Variants in ANKRD13A observed in about 807,000 individuals in gnomAD.
The protein encoded by ANKRD13A is ankyrin repeat domain 13A, also known as ankyrin repeat domain-containing protein 13A.
Under a neutral mutation model 81.3 loss-of-function variants are expected in ANKRD13A, and 48 were observed. The ratio of observed to expected loss-of-function variants is 0.59; its 90% CI spans 0.47 to 0.75. ANKRD13A has a LOEUF of 0.75. ANKRD13A is among the 30% of genes least tolerant of loss of function. ANKRD13A has a pLI of 0.00. For synonymous variants in ANKRD13A, 230 were observed against 270.1 expected, an observed-to-expected ratio of 0.85 and a Z score of 1.45; for missense variants, 612 against 734.0, an observed-to-expected ratio of 0.83 and a Z score of 1.92.
chr12:110,033,511 G>T (rs1327407264), intron 12 of ANKRD13A, among the ~76,000 whole-genome samples: 1 of 152,088 alleles, frequency 6.6e-6, no homozygotes, highest in Non-Finnish European at 1.5e-5. Context: ...ACATTGGTGT[G>T]ACTGTGCGTA....
Position 110,037,633 on chromosome 12 carries a change from C to CCCTGGT in ANKRD13A, c.*79_*80insCCTGGT. 6.9e-7 allele frequency: 1 copy of CCCTGGT among 1,458,594 alleles called. No individual in the cohort carries two copies. The highest frequency in any genetic ancestry group is 9.3e-7 in the Non-Finnish European group (1 of 1,080,668). 90.4% of individuals were successfully genotyped at this position (1,458,594 alleles called of 1,614,324 possible). ...TGCTGTGTCAACCAGGGCCCTAGGGCTAAGGGCCTGCACCTTGCGTGCATG... is the reference window on the plus strand; with the variant it reads ...TGCTGTGTCAACCAGGGCCCTAGGGCCCTGGTTAAGGGCCTGCACCTTGCGTGCATG... On this transcript the variant is annotated 3_prime_UTR_variant, in exon 15 of 15. Coordinates refer to ENST00000261739, the MANE Select transcript of ANKRD13A (RefSeq NM_033121.2).
chr12:110,021,376 G>A (rs528557218), intron 6 of ANKRD13A: 1 of 170,322 alleles, frequency 5.9e-6, no homozygotes, highest in African/African-American at 2.4e-5. Context: ...AATTTGGAAG[G>A]TGTGGCCTTC....
chr12:110,016,195 G>A (rs1316908777), intron 3 of ANKRD13A, among the ~76,000 whole-genome samples, 193 bp from the exon 4 acceptor site: 3 of 151,800 alleles, frequency 2.0e-5, no homozygotes, highest in South Asian at 2.1e-4. Context: ...GTGATCACCC[G>A]CCTCAGCCTC....
intron 1 of ANKRD13A, among the ~76,000 whole-genome samples, chr12:110,004,605 TG>T (rs1197705580): frequency 6.6e-6 from 1 of 152,154 alleles, no homozygotes; most frequent in East Asian, 1.9e-4. Flanking sequence ...CACTCCAGCC[TG>T]GGCAACAAGA....
chr12:110,000,735 C>CT, intron 1 of ANKRD13A, among the ~76,000 whole-genome samples: 1 of 150,426 alleles, frequency 6.6e-6, no homozygotes, highest in Non-Finnish European at 1.5e-5. Flanking sequence ...TTGAGAAACT[C>CT]TGCTTTTCTT....
intron 3 of ANKRD13A, among the ~76,000 whole-genome samples, chr12:110,016,096 G>A (rs1349181149): frequency 6.6e-6 from 1 of 151,396 alleles, no homozygotes; most frequent in Non-Finnish European, 1.5e-5. Context: ...GGACTAGAGC[G>A]AGCCACCATA....
intron 6 of ANKRD13A, 58 bp downstream of exon 6, chr12:110,019,386 C>A: frequency 6.8e-7 from 1 of 1,460,264 alleles, no homozygotes; most frequent in South Asian, 1.4e-5. Flanking sequence ...TCTTGAGTGA[C>A]ATGTATGTAT....
At chr12:110,022,873 T>C (rs945837458) in intron 6 of ANKRD13A, among the ~76,000 whole-genome samples, 5 of 152,208 alleles carry the variant, frequency 3.3e-5, no homozygotes, top group African/African-American at 1.2e-4. Context: ...TCTGTTTCCA[T>C]CCACGGGTTG....
At position 110,013,027 on chromosome 12, in the gene ANKRD13A, T is replaced by G. The variant is rs1890607710; in HGVS notation, c.230-98T>G. 7.3e-6 allele frequency: 10 copies of G among 1,362,106 alleles called. No homozygotes were observed. The South Asian group carries it at 1.1e-4, about 15-fold the overall frequency. 84.4% of individuals were successfully genotyped at this position (1,362,106 alleles called of 1,614,324 possible). ...AGGTTGGACTGCAGCCCTTTTCTTC[T>G]GAAGAAAATACTGGTCTTTGATCTA... On this transcript the variant is annotated intron_variant, in intron 2 of 14. Transcript: ENST00000261739.
intron 1 of ANKRD13A, among the ~76,000 whole-genome samples, chr12:110,004,322 A>G (rs1890134177): frequency 1.3e-5 from 2 of 152,136 alleles, no homozygotes; most frequent in Non-Finnish European, 2.9e-5. Flanking sequence ...ATCAGTTTCG[A>G]AAGTGAATTC....
chr12:110,019,521 C>T (rs1227156171), intron 6 of ANKRD13A, among the ~76,000 whole-genome samples, 193 bp downstream of exon 6: 1 of 152,190 alleles, frequency 6.6e-6, no homozygotes, highest in Non-Finnish European at 1.5e-5. Context: ...ATCATTTTTA[C>T]AGTTAAGTCT....
At chr12:110,025,418 T>G (rs1179479408) in intron 7 of ANKRD13A, among the ~76,000 whole-genome samples, 1 of 151,930 alleles carries the variant, frequency 6.6e-6, no homozygotes, top group African/African-American at 2.4e-5. Context: ...TACCTTAGTT[T>G]AATAGAAACC....
chr12:110,030,137 C>T (rs1593227253), intron 11 of ANKRD13A, among the ~76,000 whole-genome samples: 1 of 151,704 alleles, frequency 6.6e-6, no homozygotes, highest in East Asian at 1.9e-4. Context: ...CACTTACTCA[C>T]TGTGATCTAG....
chr12:110,005,888 C>T (rs915606591), intron 1 of ANKRD13A, among the ~76,000 whole-genome samples: 7 of 152,124 alleles, frequency 4.6e-5, no homozygotes, highest in African/African-American at 1.7e-4. Context: ...ATGATCTCAG[C>T]TCTCTGCAAC....
intron 8 of ANKRD13A, among the ~76,000 whole-genome samples, chr12:110,026,448 A>G (rs1270082548): frequency 1.3e-5 from 2 of 151,648 alleles, no homozygotes; most frequent in Admixed American, 1.3e-4. Flanking sequence ...GTGGTGGCCC[A>G]TGGCTGTAAT....
At chr12:110,011,541 G>A (rs924466015) in intron 1 of ANKRD13A, among the ~76,000 whole-genome samples, 2 of 152,198 alleles carry the variant, frequency 1.3e-5, no homozygotes, top group Non-Finnish European at 2.9e-5. Context: ...TCCAGCTAGA[G>A]AATGTAATTT....
In ANKRD13A at chr12:110,016,427, A is replaced by G. The variant is rs1354196717; in HGVS notation, c.394A>G (p.Ser132Gly). 31 of 1,593,460 alleles carry G rather than the reference A, an allele frequency of 1.9e-5. No homozygotes were observed. Among genetic ancestry groups the G allele is most frequent in the Non-Finnish European group, 2.7e-5 (31 of 1,165,808 alleles). The change falls in exon 4 of 15, where the codon AGC becomes GGC. Residue 132 changes from serine (S) to glycine (G), a missense_variant. Transcript: ENST00000261739. Reference sequence around the variant, plus strand: ...TGTGCAGATGAAATGGGAATTCACCAGCTGGGGTGAGTGGCTGTGGGCTCG... The same window carrying G: ...TGTGCAGATGAAATGGGAATTCACCGGCTGGGGTGAGTGGCTGTGGGCTCG... ...FYVQMKWEFT[S>G]WVPLVSRICP...
rs575253185 is a variant in ANKRD13A, at chr12:110,006,346, T to C, written c.97-5659T>C. Among the ~76,000 whole-genome samples the C allele has an allele frequency of 6.6e-5, 10 of 152,338 alleles. No homozygotes were observed. The South Asian group carries it at 1.9e-3, about 28-fold the overall frequency. ...TTATCTGTTGTTTTGTTTGTACGCA[T>C]CCTAGTGGGTGTGAAGTGGCATCTC... On this transcript the variant is annotated intron_variant, in intron 1 of 14. Coordinates refer to ENST00000261739, the MANE Select transcript of ANKRD13A (RefSeq NM_033121.2).
At chr12:110,029,688 G>A in intron 11 of ANKRD13A, 53 bp downstream of exon 11, 2 of 1,589,112 alleles carry the variant, frequency 1.3e-6, no homozygotes, top group Non-Finnish European at 1.7e-6. Flanking sequence ...ATGTTTGTGG[G>A]TGGCAGCATG....
Sources: gnomAD v4.1 joint callset for allele counts (sites outside exome capture counted in the v4.1 genomes callset) on GRCh38, gnomAD v4.1.1 for gene constraint, MANE v1.5 for transcripts, NCBI Gene and HGNC (gene_info 2026-07-23, HGNC 2026-07-21) for gene names.